LTF: variants seen among roughly 807,000 people sequenced by gnomAD.
The protein encoded by LTF is epididymis luminal protein 110.
In LTF, 91 loss-of-function variants were observed where a neutral mutation model predicts 87.2. The ratio of observed to expected loss-of-function variants is 1.04; its 90% CI spans 0.88 to 1.24. The LOEUF is 1.24. LTF is among the 50% of genes most tolerant of loss of function. The pLI is 0.00. For synonymous variants in LTF, 378 were observed against 356.1 expected (o/e 1.06, Z -0.69); for missense variants, 901 against 904.3 (o/e 1.00, Z 0.05).
intron 9 of LTF, among the ~76,000 whole-genome samples, 156 bp from the exon 10 acceptor site, chr3:46,447,554 T>C (rs1702686637): frequency 6.6e-6 from 1 of 152,228 alleles, no homozygotes; most frequent in South Asian, 2.1e-4. Flanking sequence ...GGAAACACCG[T>C]GTGCACCACT....
At chr3:46,439,849 G>A (rs1025487981) in intron 14 of LTF, among the ~76,000 whole-genome samples, 1 of 152,070 alleles carries the variant, frequency 6.6e-6, no homozygotes, top group African/African-American at 2.4e-5. Flanking sequence ...GCCAAGGTGG[G>A]AGAATCACTT....
chr3:46,455,667 C>T, intron 4 of LTF, 129 bp downstream of exon 4: 5 of 1,204,518 alleles, frequency 4.2e-6, no homozygotes, highest in Non-Finnish European at 5.8e-6. Context: ...CAGGATGTTA[C>T]AAGCTGGCCA....
upstream of LTF, among the ~76,000 whole-genome samples, chr3:46,467,094 C>T (rs562886337): frequency 2.0e-5 from 3 of 152,300 alleles, no homozygotes; most frequent in African/African-American, 4.8e-5. Context: ...AGCCCCAGGG[C>T]AGGGATGTGA....
At chr3:46,438,440 G>A (rs1223150543) in intron 15 of LTF, among the ~76,000 whole-genome samples, 1 of 152,202 alleles carries the variant, frequency 6.6e-6, no homozygotes, top group Non-Finnish European at 1.5e-5. Flanking sequence ...AGGCAACAAT[G>A]GAGGGGTTTT....
Position 46,459,781 on chromosome 3 carries a change from A to T in LTF, c.82T>A (p.Cys28Ser). Reference protein sequence around the residue: ...LAGRRRSVQWCAVSQPEATKC... With the variant: ...LAGRRRSVQWSAVSQPEATKC... ...GTGGCCTCGGGTTGGGATACGGCGC[A>T]CCACTGAACACTCCTCCTACGGCCA... Residue 28 changes from cysteine to serine, a missense_variant, in exon 2 of 17, where the codon TGC becomes AGC. By Grantham distance (112) the Cys-to-Ser change is moderately radical. Transcript: ENST00000231751. 6.9e-7 allele frequency: 1 copy of T among 1,450,794 alleles called. No individual in the cohort carries two copies. The highest frequency in any genetic ancestry group is 9.0e-7 in the Non-Finnish European group (1 of 1,113,166). 89.9% of individuals were successfully genotyped at this position (1,450,794 alleles called of 1,614,324 possible).
At chr3:46,465,029 C>T (rs2106909019), upstream of LTF, 4 of 712,376 alleles carry the variant, frequency 5.6e-6, no homozygotes, top group South Asian at 4.9e-5. Flanking sequence ...ATCCAGGCTC[C>T]GAAAAGCCCT....
intron 1 of LTF, among the ~76,000 whole-genome samples, chr3:46,464,097 G>A (rs1274243505): frequency 6.6e-6 from 1 of 152,058 alleles, no homozygotes. Flanking sequence ...TTCCCCTCCC[G>A]GTGCTGCAGG....
chr3:46,462,340 G>A (rs58889017), intron 1 of LTF, among the ~76,000 whole-genome samples: 8,020 of 152,166 alleles, frequency 0.053, 701 homozygotes, highest in African/African-American at 0.18. Flanking sequence ...GGAGACATAC[G>A]TGTCTCCATT....
upstream of LTF, chr3:46,468,189 G>A (rs150223613): frequency 1.5e-4 from 67 of 456,756 alleles, no homozygotes; most frequent in African/African-American, 1.3e-3. Flanking sequence ...GAAGGATAGT[G>A]AGGGTCAGGG....
chr3:46,473,061 C>T (rs953361956), intron 1 of LTF, among the ~76,000 whole-genome samples: 3 of 152,148 alleles, frequency 2.0e-5, no homozygotes, highest in African/African-American at 7.2e-5. Context: ...CTTGCGCCTG[C>T]CTGTTCCTTT....
chr3:46,467,191 A>C (rs1188089059), upstream of LTF, among the ~76,000 whole-genome samples: 3 of 150,788 alleles, frequency 2.0e-5, no homozygotes, highest in Non-Finnish European at 3.0e-5. Context: ...AAAACAATGA[A>C]GTTTCACTGA....
intron 8 of LTF, among the ~76,000 whole-genome samples, chr3:46,449,505 C>T (rs1019758014): frequency 2.0e-5 from 3 of 152,208 alleles, no homozygotes; most frequent in African/African-American, 7.2e-5. Flanking sequence ...CATGGTGTCC[C>T]CAACTAAGTT....
Position 46,455,155 on chromosome 3 carries a change from T to C in LTF, c.647+140A>G, listed in dbSNP as rs1208074465. 5.8e-6 allele frequency: 6 copies of C among 1,025,842 alleles called. No individual in the cohort carries two copies. In the Admixed American group the frequency reaches 8.2e-5, roughly 14 times the overall value. 63.5% of individuals were successfully genotyped at this position (1,025,842 alleles called of 1,614,324 possible). A position where few individuals can be genotyped will look rare whatever the true frequency, so the allele number is the denominator to read the frequency against. The stretch of plus-strand genomic sequence containing the variant: ...ACACTGGGCAGGCCTGCACTCTCTT[T>C]GGACACACAGCAGTAGGAGAACAGA... On this transcript the variant is annotated intron_variant, in intron 5 of 16. Transcript: ENST00000231751.
intron 5 of LTF, among the ~76,000 whole-genome samples, chr3:46,454,917 G>A (rs1453362031): frequency 6.6e-6 from 1 of 152,230 alleles, no homozygotes; most frequent in Non-Finnish European, 1.5e-5. Context: ...CCAACCAGGA[G>A]CCAGGACTGG....
At chr3:46,439,517 C>A in intron 14 of LTF, 37 bp from the exon 15 acceptor site, 3 of 1,553,432 alleles carry the variant, frequency 1.9e-6, no homozygotes, top group Non-Finnish European at 2.6e-6. Context: ...TCCACGCCTC[C>A]CCTGCTTAGC....
At chr3:46,477,692 G>T (rs1703377804) in intron 1 of LTF, among the ~76,000 whole-genome samples, 1 of 152,222 alleles carries the variant, frequency 6.6e-6, no homozygotes. Flanking sequence ...GATATTTTTT[G>T]AACGAAGGAA....
upstream of LTF, chr3:46,469,433 G>T (rs557725837): frequency 6.6e-6 from 1 of 152,372 alleles, no homozygotes; most frequent in South Asian, 2.1e-4. Flanking sequence ...AATACCAAAA[G>T]GTGCTTGTTA....
intron 9 of LTF, 112 bp downstream of exon 9, chr3:46,448,751 C>A (rs1255389566): frequency 2.3e-6 from 3 of 1,317,206 alleles, no homozygotes; most frequent in East Asian, 5.1e-5. Flanking sequence ...GGCATCCCTG[C>A]CTCACCCAGG....
intron 10 of LTF, 142 bp from the exon 11 acceptor site, chr3:46,446,635 T>C: frequency 1.5e-6 from 1 of 652,266 alleles, no homozygotes; most frequent in Non-Finnish European, 2.7e-6. Context: ...GTCTATATGT[T>C]CAACAAAAGA....
Sources: allele counts gnomAD v4.1 joint callset (sites outside exome capture counted in the v4.1 genomes callset), GRCh38; gene constraint gnomAD v4.1.1; transcripts MANE v1.5; gene names NCBI Gene and HGNC (gene_info 2026-07-23, HGNC 2026-07-21).